KLHL13: variants seen among roughly 807,000 people sequenced by gnomAD.
KLHL13 encodes the protein kelch-like protein 13.
Under a neutral mutation model 37.1 loss-of-function variants are expected in KLHL13, and 10 were observed. The observed-to-expected ratio is 0.27, with a 90% CI of 0.17 to 0.46. KLHL13 has a LOEUF of 0.46. Ranked by LOEUF, KLHL13 falls within the 20% of genes least tolerant of loss-of-function variation. KLHL13 has a pLI of 1.00. For missense variants in KLHL13, 360 were observed against 509.3 expected, an observed-to-expected ratio of 0.71 and a Z score of 2.82; for synonymous variants, 163 against 181.2, an observed-to-expected ratio of 0.90 and a Z score of 0.81.
intron 1 of KLHL13, among the ~76,000 whole-genome samples, chrX:118,097,542 C>G (rs2055226584): frequency 8.9e-6 from 1 of 111,741 alleles, no homozygotes; most frequent in Non-Finnish European, 1.9e-5. Flanking sequence ...CCCCATCAAG[C>G]TACCAATGAC....
chrX:117,985,410 T>C (rs762703411), intron 1 of KLHL13: 229 of 942,471 alleles, frequency 2.4e-4, no homozygotes, highest in Middle Eastern at 2.9e-4. Context: ...AACACTTCAG[T>C]TGTAGCTCCC....
At chrX:118,044,870 A>G (rs2054541380) in intron 1 of KLHL13, among the ~76,000 whole-genome samples, 1 of 112,293 alleles carries the variant, frequency 8.9e-6, no homozygotes, top group Non-Finnish European at 1.9e-5. Flanking sequence ...AGACAACCAA[A>G]GCAAAAATGG....
chrX:117,996,819 C>A (rs2053859542), intron 1 of KLHL13, among the ~76,000 whole-genome samples: 1 of 99,134 alleles, frequency 1.0e-5, no homozygotes, highest in South Asian at 4.5e-4. Context: ...CTGATCAAAT[C>A]ATAGCCTATT....
chrX:117,931,866 A>AT (rs887980148), intron 2 of KLHL13, among the ~76,000 whole-genome samples: 1 of 110,909 alleles, frequency 9.0e-6, no homozygotes, highest in East Asian at 2.8e-4. Context: ...ACCTCATAGC[A>AT]TTTTTTTCAA....
At chrX:118,024,074 T>C (rs2148016894) in intron 1 of KLHL13, among the ~76,000 whole-genome samples, 1 of 112,340 alleles carries the variant, frequency 8.9e-6, no homozygotes, top group African/African-American at 3.2e-5. Context: ...AGTCATTGTG[T>C]TATAAACTAG....
At chrX:118,033,929 G>A (rs1191515630) in intron 1 of KLHL13, among the ~76,000 whole-genome samples, 1 of 97,308 alleles carries the variant, frequency 1.0e-5, no homozygotes, top group Admixed American at 1.1e-4. Context: ...AAAAAAGGCA[G>A]GGGTTGCAAT....
At chrX:118,095,519 C>T (rs980130122) in intron 1 of KLHL13, among the ~76,000 whole-genome samples, 1 of 111,374 alleles carries the variant, frequency 9.0e-6, no homozygotes, top group Non-Finnish European at 1.9e-5. Flanking sequence ...AAGAATTGAA[C>T]TCAGCCCTGC....
chrX:117,998,837 GGGAAC>G (rs2053886863), intron 1 of KLHL13, among the ~76,000 whole-genome samples: 1 of 110,589 alleles, frequency 9.0e-6, no homozygotes, highest in African/African-American at 3.3e-5. Flanking sequence ...CAAGCACACA[GGGAAC>G]CATGAAGCAA....
chrX:117,906,520 C>G (rs1930550138), intron 5 of KLHL13, among the ~76,000 whole-genome samples: 1 of 111,023 alleles, frequency 9.0e-6, no homozygotes. Flanking sequence ...ATAGAAAGAA[C>G]TCAAAGGGGG....
exon 1 of KLHL13, chrX:117,973,727 C>T: frequency 1.2e-6 from 1 of 814,140 alleles, no homozygotes; most frequent in African/African-American, 2.2e-5. Flanking sequence ...TACAGAGTAG[C>T]ATGCTCTTAA....
At chrX:118,085,769 CT>C (rs1038548484) in intron 1 of KLHL13, among the ~76,000 whole-genome samples, 6 of 104,392 alleles carry the variant, frequency 5.7e-5, no homozygotes, top group Non-Finnish European at 9.8e-5. Context: ...TTATTTCAGT[CT>C]TTTTTATGGC....
chrX:117,909,976 C>G, exon 5 of KLHL13: 1 of 1,210,705 alleles, frequency 8.3e-7, no homozygotes, highest in Non-Finnish European at 1.1e-6. Flanking sequence ...TTCAAGAACT[C>G]CCCTGTGCTC....
intron 1 of KLHL13, among the ~76,000 whole-genome samples, chrX:118,049,319 A>G (rs2148069563): frequency 8.9e-6 from 1 of 112,416 alleles, no homozygotes; most frequent in South Asian, 3.7e-4. Flanking sequence ...CGCAAAATCT[A>G]GAAAAACTGC....
At chrX:117,954,216 T>C (rs769666079) in intron 1 of KLHL13, among the ~76,000 whole-genome samples, 16 of 112,490 alleles carry the variant, frequency 1.4e-4, no homozygotes, top group Non-Finnish European at 2.4e-4. Flanking sequence ...GCTTACCATA[T>C]TTCAAGACTT....
intron 1 of KLHL13, among the ~76,000 whole-genome samples, chrX:118,039,603 G>T (rs770317467): frequency 9.0e-6 from 1 of 111,676 alleles, no homozygotes; most frequent in Non-Finnish European, 1.9e-5. Context: ...TAAGGTTTCC[G>T]ACTCTAGGCT....
chrX:117,930,445 A>G (rs1479930123), intron 2 of KLHL13, among the ~76,000 whole-genome samples: 1 of 111,712 alleles, frequency 9.0e-6, no homozygotes, highest in East Asian at 2.8e-4. Context: ...AAGTCAGTTT[A>G]CCAAGGTTGC....
chrX:117,980,158 C>A (rs1329882900), intron 1 of KLHL13, among the ~76,000 whole-genome samples: 1 of 111,492 alleles, frequency 9.0e-6, no homozygotes, highest in Non-Finnish European at 1.9e-5. Flanking sequence ...ATACTGAAAT[C>A]TTTATATTTG....
intron 1 of KLHL13, chrX:118,028,462 C>T: frequency 8.9e-7 from 1 of 1,124,748 alleles, no homozygotes; most frequent in Non-Finnish European, 1.2e-6. Flanking sequence ...CCCCTCTATG[C>T]AGATGATCCA....
At chrX:118,091,067 A>T in intron 1 of KLHL13, among the ~76,000 whole-genome samples, 1 of 99,741 alleles carries the variant, frequency 1.0e-5, no homozygotes. Flanking sequence ...TCATAGGTGG[A>T]AATTGAACAA....
Sources: gnomAD v4.1 joint callset for allele counts (sites outside exome capture counted in the v4.1 genomes callset) on GRCh38, gnomAD v4.1.1 for gene constraint, MANE v1.5 for transcripts, NCBI Gene and HGNC (gene_info 2026-07-23, HGNC 2026-07-21) for gene names.